MATR3: variants seen among roughly 807,000 people sequenced by gnomAD.
MATR3 encodes matrin 3, also known as matrin-3.
MATR3 carries 4 observed loss-of-function variants against 85.5 expected under a neutral mutation model. The observed-to-expected ratio is 0.05, with a 90% confidence interval of 0.02 to 0.11. The LOEUF (loss-of-function observed/expected upper bound fraction) is 0.11, where lower values mean the gene tolerates loss of function less well. MATR3 is among the 10% of genes least tolerant of loss of function. The probability of loss-of-function intolerance (pLI) is 1.00; values close to 1 mark genes in which losing one functional copy is unlikely to be tolerated. For missense variants in MATR3, 685 were observed against 1,016.1 expected (o/e 0.67, Z 4.43); for synonymous variants, 336 against 343.1 (o/e 0.98, Z 0.23).
At chr5:139,318,620 T>G (rs888812760) in intron 7 of MATR3, among the ~76,000 whole-genome samples, 12 of 152,178 alleles carry the variant, frequency 7.9e-5, no homozygotes, top group African/African-American at 2.9e-4. Context: ...TTTTTGTATT[T>G]TTAGTAGAGA....
upstream of MATR3, among the ~76,000 whole-genome samples, chr5:139,292,805 T>C (rs1753921148): frequency 1.3e-5 from 2 of 152,114 alleles, no homozygotes; most frequent in Admixed American, 1.3e-4. Context: ...TAGCCAGGCG[T>C]CGTGGCGGGC....
chr5:139,330,476 A>C lies in MATR3; in HGVS notation c.*1081A>C, dbSNP rs749589274. On this transcript the variant is annotated 3_prime_UTR_variant, in exon 15 of 15. Coordinates refer to ENST00000394805, the MANE Select transcript of MATR3 (RefSeq NM_018834.6). ...CAGTTGTGGTTTTTATTCGCTCTTA[A>C]ACTTTGTGCATGCTTTAACAATTTA... 4.4e-6 allele frequency: 2 copies of C among 454,308 alleles called. No homozygotes were observed. The highest frequency in any genetic ancestry group is 3.1e-5 in the South Asian group (2 of 64,478). 28.1% of individuals were successfully genotyped at this position (454,308 alleles called of 1,614,324 possible).
intron 12 of MATR3, 151 bp downstream of exon 12, chr5:139,323,118 C>A: frequency 1.2e-6 from 1 of 838,324 alleles, no homozygotes; most frequent in Non-Finnish European, 1.8e-6. Context: ...TAAATCTAAA[C>A]TCTGCAATAA....
At chr5:139,282,605 CT>C (rs759987510) in intron 3 of MATR3, 1 of 152,166 alleles carries the variant, frequency 6.6e-6, no homozygotes, top group Non-Finnish European at 1.5e-5. Context: ...CCAGTTTCCC[CT>C]AATAACATCT....
Position 139,329,632 on chromosome 5 carries a change from T to G in MATR3, c.*237T>G. The stretch of plus-strand genomic sequence containing the variant: ...AATGGCAACAGACAGAAGTACTTTG[T>G]AGAGATTGACTTCCTAAGCTACTTA... On this transcript the variant is annotated 3_prime_UTR_variant, in exon 15 of 15. Coordinates refer to ENST00000394805, the MANE Select transcript of MATR3 (RefSeq NM_018834.6). 1.9e-6 allele frequency: 1 copy of G among 528,812 alleles called. No homozygotes were observed. Among genetic ancestry groups the G allele is most frequent in the Non-Finnish European group, 3.6e-6 (1 of 276,946 alleles). 32.8% of individuals were successfully genotyped at this position (528,812 alleles called of 1,614,324 possible).
intron 1 of MATR3, among the ~76,000 whole-genome samples, chr5:139,301,714 A>T (rs1754453956): frequency 6.6e-6 from 1 of 152,186 alleles, no homozygotes; most frequent in Admixed American, 6.5e-5. Context: ...TAGACAATGA[A>T]CATCATCAGG....
chr5:139,316,466 G>A (rs1289638863), intron 5 of MATR3, among the ~76,000 whole-genome samples: 3 of 151,906 alleles, frequency 2.0e-5, no homozygotes, highest in Non-Finnish European at 4.4e-5. Context: ...GACTAGTCTC[G>A]AACTCTTGGC....
At chr5:139,323,790 C>G (rs926830195) in intron 12 of MATR3, among the ~76,000 whole-genome samples, 1 of 152,064 alleles carries the variant, frequency 6.6e-6, no homozygotes. Flanking sequence ...ACTTGGAAGG[C>G]TGAGACAGGA....
chr5:139,314,947 A>G (rs537528151), intron 3 of MATR3: 15 of 504,008 alleles, frequency 3.0e-5, no homozygotes, highest in East Asian at 1.9e-4. Context: ...GTTATTTAAC[A>G]TTTCTAGGAT....
chr5:139,293,938 T>A (rs1273593738), intron 1 of MATR3, 133 bp downstream of exon 1: 11 of 1,237,034 alleles, frequency 8.9e-6, no homozygotes, highest in Non-Finnish European at 1.1e-5. Flanking sequence ...CCGCTCTGCC[T>A]CCCTCCGCGT....
chr5:139,288,071 CT>C (rs1362469246), intron 3 of MATR3, among the ~76,000 whole-genome samples: 1 of 151,962 alleles, frequency 6.6e-6, no homozygotes, highest in Non-Finnish European at 1.5e-5. Context: ...AAAAAATTAG[CT>C]GGGTTTGGCG....
At position 139,280,880 on chromosome 5, in the gene MATR3, G is replaced by A. The variant is rs368686267; in HGVS notation, c.-178+1751G>A. On this transcript the variant is annotated intron_variant, in intron 3 of 16. Coordinates refer to ENST00000509990, the Ensembl canonical transcript of MATR3. ...CAATATCCCAAAAGGCATCAATGGT[G>A]TAATCATGTGCATTTAAATAATTTG... Among the ~76,000 whole-genome samples the A allele has an allele frequency of 8.6e-5, 13 of 151,896 alleles. No homozygotes were observed. In the East Asian group the frequency reaches 2.1e-3, roughly 25 times the overall value.
intron 1 of MATR3, among the ~76,000 whole-genome samples, chr5:139,301,064 C>G (rs1188575122): frequency 1.3e-5 from 2 of 152,168 alleles, no homozygotes; most frequent in African/African-American, 4.8e-5. Context: ...ATTCTCCCAC[C>G]TCAGCTTCCC....
At chr5:139,296,834 T>C (rs1754179628) in intron 1 of MATR3, among the ~76,000 whole-genome samples, 1 of 152,220 alleles carries the variant, frequency 6.6e-6, no homozygotes, top group African/African-American at 2.4e-5. Flanking sequence ...ATATATCTCC[T>C]TTAGTTAGAA....
At chr5:139,320,914 A>ATTTTTTTT (rs5871694) in intron 9 of MATR3, among the ~76,000 whole-genome samples, 1 of 118,238 alleles carries the variant, frequency 8.5e-6, no homozygotes, top group Non-Finnish European at 1.8e-5. Context: ...CGCCTGGCTA[A>ATTTTTTTT]TTTTTTTTTT....
intron 14 of MATR3, among the ~76,000 whole-genome samples, chr5:139,327,946 C>T (rs1186598561): frequency 6.6e-6 from 1 of 152,032 alleles, no homozygotes; most frequent in Non-Finnish European, 1.5e-5. Flanking sequence ...ACTGCAACCT[C>T]TGCGTCCCGG....
chr5:139,293,697 G>A (rs1753967805), upstream of MATR3: 1 of 323,660 alleles, frequency 3.1e-6, no homozygotes. Flanking sequence ...GGCTGCAGCC[G>A]CTGCCGCCGC....
intron 2 of MATR3, among the ~76,000 whole-genome samples, chr5:139,277,761 CTTTTT>C (rs35759733): frequency 0.05 from 6,369 of 128,044 alleles, 201 homozygotes; most frequent in African/African-American, 0.093. Context: ...GTCTGCTCGT[CTTTTT>C]TTTTTTTTTT....
chr5:139,274,313 C>A (rs1753184692), intron 1 of MATR3: 1 of 349,354 alleles, frequency 2.9e-6, no homozygotes. Flanking sequence ...AGACTTGGGC[C>A]TCGGAGTCGT....
Sources: gnomAD v4.1 joint callset for allele counts (sites outside exome capture counted in the v4.1 genomes callset) on GRCh38, gnomAD v4.1.1 for gene constraint, MANE v1.5 for transcripts, NCBI Gene and HGNC (gene_info 2026-07-23, HGNC 2026-07-21) for gene names.